KIF26B: variants seen among roughly 807,000 people sequenced by gnomAD.
The protein encoded by KIF26B is kinesin-like protein KIF26B.
Under a neutral mutation model 151.2 loss-of-function variants are expected in KIF26B, and 63 were observed. That is an observed-to-expected ratio of 0.42 (90% CI 0.34 to 0.51). The LOEUF (loss-of-function observed/expected upper bound fraction) is 0.51, where lower values mean the gene tolerates loss of function less well. Ranked by LOEUF, KIF26B falls within the 20% of genes least tolerant of loss-of-function variation. KIF26B has a pLI of 0.07. For missense variants in KIF26B, 2,813 were observed against 2,913.6 expected, an observed-to-expected ratio of 0.97 and a Z score of 0.79; for synonymous variants, 1,357 against 1,262.1, an observed-to-expected ratio of 1.08 and a Z score of -1.59.
chr1:245,425,864 A>G (rs1658633586), intron 4 of KIF26B, among the ~76,000 whole-genome samples: 1 of 152,214 alleles, frequency 6.6e-6, no homozygotes, highest in South Asian at 2.1e-4. Context: ...GGCGTTGGTG[A>G]GCACAGAGAC....
chr1:245,686,688 C>G lies in KIF26B; in HGVS notation c.3705C>G (p.Ile1235Met). 1.2e-6 allele frequency: 2 copies of G among 1,612,816 alleles called. No homozygotes were observed. Among genetic ancestry groups the G allele is most frequent in the Non-Finnish European group, 1.7e-6 (2 of 1,179,516 alleles). ...GSRPVSIISS[I>M]SEDLECYSST... Reference sequence around the variant, plus strand: ...GGCCCGTCAGCATCATCAGCAGCATCAGCGAGGACCTGGAGTGCTACTCCA... The same window carrying G: ...GGCCCGTCAGCATCATCAGCAGCATGAGCGAGGACCTGGAGTGCTACTCCA... Residue 1235 changes from isoleucine to methionine, a missense_variant, in exon 12 of 15, where the codon ATC becomes ATG. Coordinates refer to ENST00000407071, the MANE Select transcript of KIF26B (RefSeq NM_018012.4). The surrounding 1 kb of genome is among the most constrained non-coding windows in gnomAD (Gnocchi z 5.6).
At chr1:245,552,036 C>T (rs980672037) in intron 5 of KIF26B, among the ~76,000 whole-genome samples, 10 of 129,790 alleles carry the variant, frequency 7.7e-5, no homozygotes, top group South Asian at 2.3e-4. Context: ...GAGCACTACA[C>T]GGTGCCCAAC....
At chr1:245,674,402 C>T (rs1311217818) in intron 10 of KIF26B, among the ~76,000 whole-genome samples, 1 of 152,192 alleles carries the variant, frequency 6.6e-6, no homozygotes, top group African/African-American at 2.4e-5. Flanking sequence ...TAATCTGATC[C>T]TGCAGGTGGA....
At chr1:245,336,690 C>A (rs181855241) in intron 2 of KIF26B, among the ~76,000 whole-genome samples, 1 of 152,166 alleles carries the variant, frequency 6.6e-6, no homozygotes, top group Non-Finnish European at 1.5e-5. Flanking sequence ...ACATACCTTC[C>A]GTATCAACAT....
At chr1:245,187,002 G>A (rs910392964) in intron 2 of KIF26B, among the ~76,000 whole-genome samples, 6 of 151,892 alleles carry the variant, frequency 4.0e-5, no homozygotes, top group African/African-American at 1.2e-4. Context: ...GACTACAGGC[G>A]CGCACCACCA....
At chr1:245,617,181 C>T (rs1343956329) in intron 9 of KIF26B, among the ~76,000 whole-genome samples, 1 of 152,196 alleles carries the variant, frequency 6.6e-6, no homozygotes, top group Non-Finnish European at 1.5e-5. Flanking sequence ...CTTCAACTTC[C>T]ACCTCCTGGG....
chr1:245,468,799 G>C (rs1242254054), intron 4 of KIF26B, among the ~76,000 whole-genome samples: 2 of 152,092 alleles, frequency 1.3e-5, no homozygotes, highest in Non-Finnish European at 2.9e-5. Flanking sequence ...GATCTGGAGT[G>C]TTTTCTTTCC....
intron 10 of KIF26B, among the ~76,000 whole-genome samples, chr1:245,677,514 G>A (rs1220967078): frequency 1.3e-5 from 2 of 152,194 alleles, no homozygotes; most frequent in African/African-American, 2.4e-5. Flanking sequence ...TTAACTTCAC[G>A]TACCTCTCCT....
chr1:245,382,207 T>C (rs1673428111), intron 3 of KIF26B, among the ~76,000 whole-genome samples: 1 of 152,148 alleles, frequency 6.6e-6, no homozygotes, highest in Non-Finnish European at 1.5e-5. Context: ...GGTTCCAATT[T>C]CTCCATACCC....
intron 2 of KIF26B, among the ~76,000 whole-genome samples, chr1:245,228,374 C>A (rs1669920684): frequency 1.3e-5 from 2 of 152,190 alleles, no homozygotes; most frequent in African/African-American, 4.8e-5. Flanking sequence ...CGAGACCAGC[C>A]TGACCAACAT....
rs916888416 is a variant in KIF26B, at chr1:245,390,935, A to AC, written c.999+23568_999+23569insC. ...AGACCCTGTCTCAAAAAAAAAAAAA[A>AC]AAAAAAAAAAAAAAAAACCACCATA... is the stretch of plus-strand genomic sequence containing the variant. On this transcript the variant is annotated intron_variant, in intron 3 of 14. Coordinates refer to ENST00000407071, the MANE Select transcript of KIF26B (RefSeq NM_018012.4). 2.4e-4 allele frequency among the ~76,000 whole-genome samples: 35 copies of AC among 144,952 alleles called. 3 individuals are homozygous for AC. Among genetic ancestry groups the AC allele is most frequent in the Middle Eastern group, 6.9e-3 (2 of 290 alleles).
At chr1:245,693,578 C>T (rs540777570) in intron 12 of KIF26B, among the ~76,000 whole-genome samples, 97 of 152,280 alleles carry the variant, frequency 6.4e-4, no homozygotes, top group African/African-American at 2.2e-3. Flanking sequence ...AGACCCTGTG[C>T]CTTTCTCTTG....
chr1:245,483,679 T>C (rs977597143), intron 4 of KIF26B, among the ~76,000 whole-genome samples: 2 of 151,874 alleles, frequency 1.3e-5, no homozygotes, highest in Admixed American at 1.3e-4. Flanking sequence ...GCGTGGGTAG[T>C]GAACTTGTAA....
chr1:245,579,115 C>CTT (rs2043151048), intron 5 of KIF26B, among the ~76,000 whole-genome samples: 1 of 152,112 alleles, frequency 6.6e-6, no homozygotes, highest in Non-Finnish European at 1.5e-5. Context: ...TATTCTCTGT[C>CTT]TTTGAGTTAT....
intron 5 of KIF26B, among the ~76,000 whole-genome samples, chr1:245,595,927 T>C (rs1382851949): frequency 6.6e-6 from 1 of 152,224 alleles, no homozygotes; most frequent in African/African-American, 2.4e-5. Context: ...CCATTTCTTC[T>C]AGATTTTGTA....
At chr1:245,517,070 A>T (rs1036924649) in intron 4 of KIF26B, among the ~76,000 whole-genome samples, 1 of 152,226 alleles carries the variant, frequency 6.6e-6, no homozygotes, top group Non-Finnish European at 1.5e-5. Context: ...ACATGAATAT[A>T]AAAATGGGGA....
chr1:245,478,107 T>A (rs76669176), intron 4 of KIF26B, among the ~76,000 whole-genome samples: 1 of 151,986 alleles, frequency 6.6e-6, no homozygotes, highest in East Asian at 1.9e-4. Context: ...CTGTGTCTGC[T>A]TTCTTTCACG....
In KIF26B at chr1:245,563,894, G is replaced by A. The variant is rs1233610715; in HGVS notation, c.1350+22944G>A. Among the ~76,000 whole-genome samples, 1 of 152,026 alleles carries A rather than the reference G, an allele frequency of 6.6e-6. No individual in the cohort carries two copies. Among genetic ancestry groups the A allele is most frequent in the Admixed American group, 6.6e-5 (1 of 15,258 alleles). On this transcript the variant is annotated intron_variant, in intron 5 of 14. Transcript: ENST00000407071. This position sits in a 1 kb window ranked among gnomAD's most constrained non-coding sequence, Gnocchi z 4.6. ...CTCTCCTCCTCGGGTCAGGCCTGCC[G>A]ACCCTGCACTACAGGTTCCTTTTTC...
chr1:245,388,069 C>G (rs1673596432), intron 3 of KIF26B, among the ~76,000 whole-genome samples: 1 of 152,202 alleles, frequency 6.6e-6, no homozygotes, highest in Non-Finnish European at 1.5e-5. Flanking sequence ...TGGCTCATCT[C>G]TGGGAGACGA....
Sources: allele counts gnomAD v4.1 joint callset (sites outside exome capture counted in the v4.1 genomes callset), GRCh38; gene constraint gnomAD v4.1.1; non-coding constraint Gnocchi (gnomAD v3.1); transcripts MANE v1.5; gene names NCBI Gene and HGNC (gene_info 2026-07-23, HGNC 2026-07-21).